The following TRPM7 variants were observed in gnomAD, a reference collection of about 807,000 sequenced individuals.
The protein encoded by TRPM7 is LTRPC ion channel family member 7.
A neutral mutation model predicts 229.7 loss-of-function variants in TRPM7; 134 were observed. That is an observed-to-expected ratio of 0.58 (90% CI 0.51 to 0.67). The LOEUF (loss-of-function observed/expected upper bound fraction) is 0.67, where lower values mean the gene tolerates loss of function less well. Ranked by LOEUF, TRPM7 falls within the 30% of genes least tolerant of loss-of-function variation. The probability of loss-of-function intolerance (pLI) is 0.00; values close to 1 mark genes in which losing one functional copy is unlikely to be tolerated. For synonymous variants in TRPM7, 699 were observed against 715.2 expected, an observed-to-expected ratio of 0.98 and a Z score of 0.36; for missense variants, 1,901 against 2,210.0, an observed-to-expected ratio of 0.86 and a Z score of 2.80.
intron 3 of TRPM7, among the ~76,000 whole-genome samples, chr15:50,651,922 A>G (rs188970134): frequency 4.9e-4 from 75 of 151,986 alleles, no homozygotes; most frequent in Admixed American, 4.4e-3. Context: ...TAAAATAATA[A>G]TTTTCTAAAT....
rs1202876854 is a variant in TRPM7, at chr15:50,627,739, T to G, written c.1305+410A>C. Among the ~76,000 whole-genome samples the G allele has an allele frequency of 2.0e-5, 3 of 152,136 alleles. No individual in the cohort carries two copies. In the East Asian group the frequency reaches 5.8e-4, roughly 29 times the overall value. Reference sequence around the variant, plus strand: ...ACAAGATTTACAGATGGAATTGGATTGGAATACATGAGAAAGAGAAAAGTA... The same window carrying G: ...ACAAGATTTACAGATGGAATTGGATGGGAATACATGAGAAAGAGAAAAGTA... On this transcript the variant is annotated intron_variant, in intron 11 of 38. Transcript: ENST00000646667.
At chr15:50,595,431 TACAAC>T (rs1193638264) in intron 23 of TRPM7, among the ~76,000 whole-genome samples, 1 of 151,638 alleles carries the variant, frequency 6.6e-6, no homozygotes, top group Non-Finnish European at 1.5e-5. Flanking sequence ...AATTGACCAA[TACAAC>T]ATACTAGATT....
chr15:50,612,918 T>C, intron 15 of TRPM7, 89 bp from the exon 16 acceptor site: 1 of 1,172,584 alleles, frequency 8.5e-7, no homozygotes, highest in Non-Finnish European at 1.2e-6. Flanking sequence ...TATCTTTACA[T>C]TATTCAGCTC....
intron 1 of TRPM7, among the ~76,000 whole-genome samples, chr15:50,679,090 T>TACTTAGGAGG (rs1169395396): frequency 6.7e-6 from 1 of 150,374 alleles, no homozygotes; most frequent in African/African-American, 2.5e-5. Context: ...GCCAGGATGG[T>TACTTAGGAGG]CTCGATCTCT....
In TRPM7 at chr15:50,569,978, A is replaced by C. The variant is rs2053789954; in HGVS notation, c.5376T>G (p.Val1792=). The change falls in exon 38 of 39, where the codon GTT becomes GTG. Residue 1792 remains valine (V), a synonymous_variant. Transcript: ENST00000646667. ...CTTCTCCTAGATTTGCTGGGCCAAA[A>C]ACCATATCACAGGATCTGTAGAATT... ...KAEEKRSCDM[V]FGPANLGEDA... 1 of 1,611,886 alleles carries C rather than the reference A, an allele frequency of 6.2e-7. No individual in the cohort carries two copies. Among genetic ancestry groups the C allele is most frequent in the South Asian group, 1.1e-5 (1 of 90,568 alleles).
At chr15:50,656,984 G>T (rs960318231) in intron 3 of TRPM7, among the ~76,000 whole-genome samples, 1 of 152,060 alleles carries the variant, frequency 6.6e-6, no homozygotes, top group Non-Finnish European at 1.5e-5. Flanking sequence ...TTAGCAACTG[G>T]TCTATTTTCT....
chr15:50,673,633 C>CATATAT (rs1567122677), intron 1 of TRPM7, among the ~76,000 whole-genome samples: 25 of 147,916 alleles, frequency 1.7e-4, no homozygotes, highest in African/African-American at 6.0e-4. Flanking sequence ...AGTATTCCCT[C>CATATAT]GTATATATAT....
chr15:50,678,261 A>AAC (rs2062145629), intron 1 of TRPM7, among the ~76,000 whole-genome samples: 1 of 148,132 alleles, frequency 6.8e-6, no homozygotes, highest in Admixed American at 6.8e-5. Context: ...ACAAAAACAA[A>AAC]AACAAAAACA....
chr15:50,600,262 C>T (rs1164025181), intron 21 of TRPM7, among the ~76,000 whole-genome samples: 5 of 152,044 alleles, frequency 3.3e-5, no homozygotes, highest in Non-Finnish European at 7.4e-5. Flanking sequence ...CATGGTGAAA[C>T]CCTGTGTCTA....
chr15:50,565,122 C>G (rs1041803147), intron 38 of TRPM7, among the ~76,000 whole-genome samples: 1 of 152,068 alleles, frequency 6.6e-6, no homozygotes, highest in East Asian at 1.9e-4. Context: ...GCTGGGATTA[C>G]AGGCACCCAC....
intron 1 of TRPM7, among the ~76,000 whole-genome samples, chr15:50,667,909 AAT>A (rs1443424800): frequency 2.6e-5 from 4 of 152,218 alleles, no homozygotes; most frequent in South Asian, 2.1e-4. Context: ...CATTTGTATA[AAT>A]ATGTTATTGG....
At chr15:50,678,718 T>A (rs2062160759) in intron 1 of TRPM7, among the ~76,000 whole-genome samples, 1 of 151,998 alleles carries the variant, frequency 6.6e-6, no homozygotes, top group African/African-American at 2.4e-5. Flanking sequence ...TAACAATTGG[T>A]AGAAAAGTTC....
Position 50,583,116 on chromosome 15 carries a change from T to C in TRPM7, c.4530A>G (p.Glu1510=). Residue 1510 remains glutamate, a synonymous_variant, in exon 29 of 39, where the codon GAA becomes GAG. Coordinates refer to ENST00000646667, the MANE Select transcript of TRPM7 (RefSeq NM_017672.6). ...GTATTAAAGCTGCTTTGGAATCTAC[T>C]TCATGAGTGTCTTCGGTAGATGGCC... is the stretch of plus-strand genomic sequence containing the variant. ...SRRPSTEDTH[E]VDSKAALIPD... The C allele has an allele frequency of 6.2e-7, 1 of 1,608,290 alleles. No individual in the cohort carries two copies. Among genetic ancestry groups the C allele is most frequent in the East Asian group, 2.2e-5 (1 of 44,624 alleles).
intron 1 of TRPM7, among the ~76,000 whole-genome samples, chr15:50,663,429 A>G (rs62017206): frequency 0.33 from 50,048 of 152,014 alleles, 10,055 homozygotes; most frequent in Admixed American, 0.47. Context: ...CCCGGCCCAT[A>G]AACACTTCTA....
At chr15:50,682,703 A>T (rs532214685) in intron 1 of TRPM7, among the ~76,000 whole-genome samples, 1 of 152,326 alleles carries the variant, frequency 6.6e-6, no homozygotes, top group South Asian at 2.1e-4. Flanking sequence ...AAAGTACAAG[A>T]GGTCCAATTC....
intron 12 of TRPM7, among the ~76,000 whole-genome samples, chr15:50,623,703 TAGTA>T (rs2140575203): frequency 6.6e-6 from 1 of 151,452 alleles, no homozygotes; most frequent in East Asian, 1.9e-4. Context: ...GTTACGAGAA[TAGTA>T]AGTTTTCAGG....
At chr15:50,665,681 G>T (rs2061861175) in intron 1 of TRPM7, among the ~76,000 whole-genome samples, 1 of 152,072 alleles carries the variant, frequency 6.6e-6, no homozygotes, top group South Asian at 2.1e-4. Flanking sequence ...AAATGTATAG[G>T]CTTAAGTGAT....
chr15:50,592,300 G>C lies in TRPM7; in HGVS notation c.3935C>G (p.Pro1312Arg), dbSNP rs1320606644. The C allele has an allele frequency of 1.2e-6, 2 of 1,613,612 alleles. No homozygotes were observed. The highest frequency in any genetic ancestry group is 1.7e-6 in the Non-Finnish European group (2 of 1,179,900). ...LPQGDLESNN[P>R]FHCNILMKDD... Reference sequence around the variant, plus strand: ...TTTCATTAAAATATTACAATGAAAAGGATTATTACTTTCAAGATCACCTTG... The same window carrying C: ...TTTCATTAAAATATTACAATGAAAACGATTATTACTTTCAAGATCACCTTG... Residue 1312 changes from proline (P) to arginine (R), a missense_variant, in exon 26 of 39, where the codon CCT becomes CGT. Physicochemically the swap from Pro to Arg is moderately radical, Grantham distance 103. Coordinates refer to ENST00000646667, the MANE Select transcript of TRPM7 (RefSeq NM_017672.6).
Position 50,612,590 on chromosome 15 carries a change from G to C in TRPM7, c.2010C>G (p.Asp670Glu). The C allele has an allele frequency of 6.2e-7, 1 of 1,613,744 alleles. No homozygotes were observed. Reference sequence around the variant, plus strand: ...GTTCTTCTGAAGTATCATCTACCAGGTCACTCTGCTTTGCTTCATATGCCA... The same window carrying C: ...GTTCTTCTGAAGTATCATCTACCAGCTCACTCTGCTTTGCTTCATATGCCA... ...RSMAYEAKQSDLVDDTSEELK... is the reference protein window; with the variant it reads ...RSMAYEAKQSELVDDTSEELK... The change falls in exon 16 of 39, where the codon GAC becomes GAG. Residue 670 changes from aspartate to glutamate, a missense_variant. Physicochemically the swap from Asp to Glu is conservative, Grantham distance 45 (BLOSUM62 2). This residue lies in a region of TRPM7 where 794 missense variants were observed against 881.9 expected (regional missense o/e 0.90). Coordinates refer to ENST00000646667, the MANE Select transcript of TRPM7 (RefSeq NM_017672.6).
Sources: gnomAD v4.1 joint callset for allele counts (sites outside exome capture counted in the v4.1 genomes callset) on GRCh38, gnomAD v4.1.1 for gene constraint, gnomAD v4.1.1 regional missense constraint, MANE v1.5 for transcripts, NCBI Gene and HGNC (gene_info 2026-07-23, HGNC 2026-07-21) for gene names.